The following DLGAP1 variants were observed in gnomAD, a reference collection of about 807,000 sequenced individuals.
DLGAP1 encodes disks large-associated protein 1.
Under a neutral mutation model 90.8 loss-of-function variants are expected in DLGAP1, and 11 were observed. That is an observed-to-expected ratio of 0.12 (90% CI 0.08 to 0.20). The LOEUF is 0.20. Ranked by LOEUF, DLGAP1 falls within the 10% of genes least tolerant of loss-of-function variation. The pLI is 1.00. For missense variants in DLGAP1, 1,050 were observed against 1,333.8 expected (o/e 0.79, Z 3.31); for synonymous variants, 558 against 540.7 (o/e 1.03, Z -0.44).
intron 2 of DLGAP1, among the ~76,000 whole-genome samples, chr18:4,101,333 C>T (rs9965225): frequency 0.1 from 15,936 of 151,988 alleles, 871 homozygotes; most frequent in Middle Eastern, 0.16. Context: ...TGGAGGAGTC[C>T]GAACACACAC....
rs935953718 is a variant in DLGAP1, at chr18:3,531,439, TA to T, written c.2479+2754del. On this transcript the variant is annotated intron_variant, in intron 10 of 12. Transcript: ENST00000315677. ...GTGACAAGAGCAAGACTCTGTCTTT[TA>T]AAAAAAAAATTATTGTTTTTGTTAC... Among the ~76,000 whole-genome samples, 101 of 150,542 alleles carry T rather than the reference TA, an allele frequency of 6.7e-4. 1 individual carries two copies. The highest frequency in any genetic ancestry group is 2.1e-3 in the East Asian group (11 of 5,136).
Position 4,228,735 on chromosome 18 carries a change from T to C in DLGAP1, c.-266-77448A>G, listed in dbSNP as rs376002089. On this transcript the variant is annotated intron_variant, in intron 1 of 12. Coordinates refer to ENST00000315677, the MANE Select transcript of DLGAP1 (RefSeq NM_004746.4). ...ATATGCAGATCCACAGCTAATGTCATATGGAATGGAGAAAAACTGAAAGCC... is the reference window on the plus strand; with the variant it reads ...ATATGCAGATCCACAGCTAATGTCACATGGAATGGAGAAAAACTGAAAGCC... Among the ~76,000 whole-genome samples, 18 of 151,986 alleles carry C rather than the reference T, an allele frequency of 1.2e-4. No individual in the cohort carries two copies. The South Asian group carries it at 1.9e-3, about 16-fold the overall frequency.
At chr18:3,522,987 A>C (rs2051312313) in intron 10 of DLGAP1, among the ~76,000 whole-genome samples, 1 of 152,242 alleles carries the variant, frequency 6.6e-6, no homozygotes, top group Non-Finnish European at 1.5e-5. Context: ...AATGTTTTGG[A>C]TATCACAACA....
At chr18:3,907,450 T>A (rs1291662593) in intron 3 of DLGAP1, among the ~76,000 whole-genome samples, 1 of 152,150 alleles carries the variant, frequency 6.6e-6, no homozygotes, top group Non-Finnish European at 1.5e-5. Flanking sequence ...AGATAAAATA[T>A]GTAAGGAAAC....
chr18:3,968,462 C>T (rs1297907669), intron 3 of DLGAP1, among the ~76,000 whole-genome samples: 1 of 152,108 alleles, frequency 6.6e-6, no homozygotes, highest in Non-Finnish European at 1.5e-5. Flanking sequence ...AAATGGCTAA[C>T]TATACACCTT....
intron 1 of DLGAP1, among the ~76,000 whole-genome samples, chr18:4,407,885 TAAA>T (rs2082696903): frequency 1.5e-5 from 1 of 65,176 alleles, no homozygotes; most frequent in Non-Finnish European, 2.6e-5. Flanking sequence ...AATAAATAAA[TAAA>T]TATATAAATA....
At chr18:3,751,448 C>T (rs1391063067) in intron 5 of DLGAP1, among the ~76,000 whole-genome samples, 1 of 151,886 alleles carries the variant, frequency 6.6e-6, no homozygotes, top group African/African-American at 2.4e-5. Context: ...AGGTGTGTGT[C>T]ACTACACCTG....
At chr18:3,978,098 G>T in intron 3 of DLGAP1, 1 of 426,940 alleles carries the variant, frequency 2.3e-6, no homozygotes. Flanking sequence ...TAATGGCGTG[G>T]ACCATGGCCA....
At position 4,378,926 on chromosome 18, in the gene DLGAP1, C is replaced by A. The variant is rs1434450474; in HGVS notation, c.-267+76080G>T. Among the ~76,000 whole-genome samples, 3 of 152,092 alleles carry A rather than the reference C, an allele frequency of 2.0e-5. No individual in the cohort carries two copies. The highest frequency in any genetic ancestry group is 4.4e-5 in the Non-Finnish European group (3 of 68,010). On this transcript the variant is annotated intron_variant, in intron 1 of 12. Transcript: ENST00000315677. The surrounding 1 kb of genome is among the most constrained non-coding windows in gnomAD (Gnocchi z 4.5). ...AGCTCTTTGACAACTACACACCCAC[C>A]ACTCCCCTCCAGAGAGAGTGAGTCC...
At chr18:3,958,946 C>T (rs948212374) in intron 3 of DLGAP1, among the ~76,000 whole-genome samples, 9 of 152,170 alleles carry the variant, frequency 5.9e-5, no homozygotes, top group Non-Finnish European at 7.3e-5. Flanking sequence ...TCTTAGACCT[C>T]GAACCTTCCC....
chr18:3,605,664 G>T (rs608942), intron 7 of DLGAP1, among the ~76,000 whole-genome samples: 116,959 of 152,146 alleles, frequency 0.77, 45,303 homozygotes, highest in African/African-American at 0.83. Flanking sequence ...GAAAGCTGTT[G>T]TGACTTCTGG....
intron 1 of DLGAP1, among the ~76,000 whole-genome samples, chr18:4,320,229 G>A (rs949799151): frequency 3.3e-5 from 5 of 152,062 alleles, no homozygotes; most frequent in South Asian, 2.1e-4. Flanking sequence ...AGCTGCTTGC[G>A]TCATTTTAGC....
intron 1 of DLGAP1, among the ~76,000 whole-genome samples, chr18:4,320,884 T>C (rs138512831): frequency 6.6e-6 from 1 of 152,356 alleles, no homozygotes; most frequent in African/African-American, 2.4e-5. Context: ...TTGTGTATTG[T>C]GGAATTTAAT....
At chr18:3,743,589 C>T (rs889732589) in intron 5 of DLGAP1, among the ~76,000 whole-genome samples, 2 of 152,080 alleles carry the variant, frequency 1.3e-5, no homozygotes, top group Non-Finnish European at 1.5e-5. Flanking sequence ...CTCCTGACCT[C>T]GTGATCCGCC....
intron 2 of DLGAP1, among the ~76,000 whole-genome samples, chr18:4,078,093 T>C (rs1292726079): frequency 2.0e-5 from 3 of 152,190 alleles, no homozygotes; most frequent in African/African-American, 7.2e-5. Flanking sequence ...AGATACTCCA[T>C]GGGTAAAGGG....
chr18:3,931,153 C>T (rs2072507139), intron 3 of DLGAP1, among the ~76,000 whole-genome samples: 1 of 152,218 alleles, frequency 6.6e-6, no homozygotes, highest in Non-Finnish European at 1.5e-5. Flanking sequence ...CACATATATG[C>T]TGCTGCCTGG....
intron 8 of DLGAP1, among the ~76,000 whole-genome samples, chr18:3,575,614 C>T (rs2055075451): frequency 6.6e-6 from 1 of 152,118 alleles, no homozygotes; most frequent in South Asian, 2.1e-4. Flanking sequence ...TCATATTTTG[C>T]TCTATACACT....
chr18:4,201,625 G>T (rs1366286765), intron 1 of DLGAP1, among the ~76,000 whole-genome samples: 2 of 151,122 alleles, frequency 1.3e-5, no homozygotes, highest in East Asian at 3.9e-4. Context: ...AAATCACCAA[G>T]AAAAAAAACA....
intron 7 of DLGAP1, among the ~76,000 whole-genome samples, chr18:3,718,489 A>T (rs2061840405): frequency 6.6e-6 from 1 of 152,042 alleles, no homozygotes; most frequent in Non-Finnish European, 1.5e-5. Flanking sequence ...AGATGATGTT[A>T]TATGATGGAG....
Sources: gnomAD v4.1 joint callset for allele counts (sites outside exome capture counted in the v4.1 genomes callset) on GRCh38, gnomAD v4.1.1 for gene constraint, Gnocchi (gnomAD v3.1) non-coding constraint, MANE v1.5 for transcripts, NCBI Gene and HGNC (gene_info 2026-07-23, HGNC 2026-07-21) for gene names.